The following ONECUT1 variants were observed in gnomAD, a reference collection of about 807,000 sequenced individuals.
ONECUT1 encodes hepatocyte nuclear factor 6.
Under a neutral mutation model 25.6 loss-of-function variants are expected in ONECUT1, and 12 were observed. That is an observed-to-expected ratio of 0.47 (90% CI 0.30 to 0.76). ONECUT1 has a LOEUF of 0.76. Among genes scored for constraint, ONECUT1 ranks in the 30% least tolerant of loss-of-function variants. The pLI, the probability that ONECUT1 is intolerant of heterozygous loss-of-function variation, is 0.07. For missense variants in ONECUT1, 620 were observed against 651.2 expected (o/e 0.95, Z 0.52); for synonymous variants, 285 against 270.2 (o/e 1.05, Z -0.54).
chr15:52,766,733 T>C (rs1166251723), intron 1 of ONECUT1, among the ~76,000 whole-genome samples: 2 of 152,020 alleles, frequency 1.3e-5, no homozygotes, highest in Non-Finnish European at 2.9e-5. Context: ...GCTCACCCAA[T>C]GGAAAAGGAA....
At chr15:52,772,681 G>T (rs1270741796) in intron 1 of ONECUT1, among the ~76,000 whole-genome samples, 5 of 152,148 alleles carry the variant, frequency 3.3e-5, no homozygotes, top group Admixed American at 3.3e-4. Flanking sequence ...GGAAGAACAA[G>T]GTTTTTGTGC....
In ONECUT1 at chr15:52,790,139, T is replaced by C. The variant is rs922486627; in HGVS notation, c.-255A>G. ...CCCCTCTGCGTCCTCGGCTTTTTTT[T>C]TTTTAATATTAATTTCCAAAGAGGA... On this transcript the variant is annotated 5_prime_UTR_variant, in exon 1 of 2. Transcript: ENST00000305901. 9.4e-5 allele frequency: 43 copies of C among 456,724 alleles called. No individual in the cohort carries two copies. Among genetic ancestry groups the C allele is most frequent in the Non-Finnish European group, 1.4e-4 (39 of 283,922 alleles). 28.3% of individuals were successfully genotyped at this position (456,724 alleles called of 1,614,324 possible). A position where few individuals can be genotyped will look rare whatever the true frequency, so the allele number is the denominator to read the frequency against.
chr15:52,772,717 C>T (rs2083776072), intron 1 of ONECUT1, among the ~76,000 whole-genome samples: 1 of 152,134 alleles, frequency 6.6e-6, no homozygotes, highest in Admixed American at 6.5e-5. Flanking sequence ...ACCGGGCTGG[C>T]TCCAAGAGAT....
At position 52,789,486 on chromosome 15, in the gene ONECUT1, G is replaced by T. The variant is rs749457710; in HGVS notation, c.399C>A (p.His133Gln). Residue 133 changes from histidine to glutamine, a missense_variant, in exon 1 of 2, where the codon CAC (histidine) becomes CAA (glutamine). His to Gln is a conservative substitution (Grantham distance 24). Transcript: ENST00000305901. This position sits in a 1 kb window ranked among gnomAD's most constrained non-coding sequence, Gnocchi z 4.1. ...CCAGGCGCTGGTGGTGGTGCGGGTG[G>T]TGGTGGTGATGGTGGTGGTGGTGAT... ...PHHHHHHHHH[H>Q]HPHHHQRLAG... The T allele has an allele frequency of 1.2e-6, 2 of 1,613,000 alleles. No homozygotes were observed. Among genetic ancestry groups the T allele is most frequent in the East Asian group, 2.2e-5 (1 of 44,888 alleles).
rs1196935240 is a variant in ONECUT1, at chr15:52,789,959, C to G, written c.-75G>C. The stretch of plus-strand genomic sequence containing the variant: ...GAGGCGGCGAGGGGCGCACGGAGTC[C>G]GGTCTTCACATCGGCTGCTGGCGAC... On this transcript the variant is annotated 5_prime_UTR_variant, in exon 1 of 2. Coordinates refer to ENST00000305901, the MANE Select transcript of ONECUT1 (RefSeq NM_004498.4). The surrounding 1 kb of genome is among the most constrained non-coding windows in gnomAD (Gnocchi z 4.1). The G allele has an allele frequency of 1.5e-5, 22 of 1,454,640 alleles. No individual in the cohort carries two copies. The East Asian group carries it at 5.2e-4, about 34-fold the overall frequency. The allele number at this position is 1,454,640 out of a possible 1,614,324, so 90.1% of individuals were successfully genotyped here. A position where few individuals can be genotyped will look rare whatever the true frequency, so the allele number is the denominator to read the frequency against.
At chr15:52,782,119 G>T (rs957588792) in intron 1 of ONECUT1, among the ~76,000 whole-genome samples, 1 of 152,198 alleles carries the variant, frequency 6.6e-6, no homozygotes, top group Non-Finnish European at 1.5e-5. Flanking sequence ...ATGTGCCGTG[G>T]TGGTTTGCTG....
chr15:52,760,287 A>G (rs1178194358), intron 1 of ONECUT1, among the ~76,000 whole-genome samples: 1 of 152,178 alleles, frequency 6.6e-6, no homozygotes, highest in African/African-American at 2.4e-5. Context: ...CCAGAGGCCT[A>G]CAGCCCTCAC....
Position 52,756,334 on chromosome 15 carries a change from G to A in ONECUT1, c.*1221C>T, listed in dbSNP as rs1163812920. Among the ~76,000 whole-genome samples the A allele has an allele frequency of 6.6e-6, 1 of 152,132 alleles. No individual in the cohort carries two copies. Among genetic ancestry groups the A allele is most frequent in the Non-Finnish European group, 1.5e-5 (1 of 68,018 alleles). On this transcript the variant is annotated 3_prime_UTR_variant, in exon 2 of 2. Coordinates refer to ENST00000305901, the MANE Select transcript of ONECUT1 (RefSeq NM_004498.4). ...TTGTATTTGTAAAGTATTTAAAAGA[G>A]GTTTTTGGTGCCAGATGCATAAAGC...
chr15:52,756,423 C>T lies in ONECUT1; in HGVS notation c.*1132G>A, dbSNP rs749927125. On this transcript the variant is annotated 3_prime_UTR_variant, in exon 2 of 2. Transcript: ENST00000305901. The stretch of plus-strand genomic sequence containing the variant: ...AGTGACCTTTTACTAAAAAGCATTA[C>T]TTTGAACAAATTTTCTAATTTAGTT... Among the ~76,000 whole-genome samples the T allele has an allele frequency of 1.3e-5, 2 of 152,132 alleles. No individual in the cohort carries two copies. The highest frequency in any genetic ancestry group is 2.4e-5 in the African/African-American group (1 of 41,414).
intron 1 of ONECUT1, among the ~76,000 whole-genome samples, chr15:52,772,198 T>A (rs1555415690): frequency 6.6e-6 from 1 of 151,854 alleles, no homozygotes; most frequent in Non-Finnish European, 1.5e-5. Context: ...ATCGAGACCA[T>A]CCTGGCTAAC....
chr15:52,785,611 C>A (rs1000830339), intron 1 of ONECUT1: 1 of 152,224 alleles, frequency 6.6e-6, no homozygotes, highest in African/African-American at 2.4e-5. Flanking sequence ...GTGGCCGAAG[C>A]CCTCTGGAAT....
In ONECUT1 at chr15:52,789,938, C is replaced by T; in HGVS notation, c.-54G>A. 6.8e-7 allele frequency: 1 copy of T among 1,468,654 alleles called. No homozygotes were observed. The highest frequency in any genetic ancestry group is 8.9e-7 in the Non-Finnish European group (1 of 1,118,768). 91.0% of individuals were successfully genotyped at this position (1,468,654 alleles called of 1,614,324 possible). ...CAACATCGATGTGGCCAGGCAGAGG[C>T]GGCGAGGGGCGCACGGAGTCCGGTC... On this transcript the variant is annotated 5_prime_UTR_variant, in exon 1 of 2. Transcript: ENST00000305901. The surrounding 1 kb of genome is among the most constrained non-coding windows in gnomAD (Gnocchi z 4.1).
At chr15:52,766,873 A>T (rs558615889) in intron 1 of ONECUT1, among the ~76,000 whole-genome samples, 1 of 152,278 alleles carries the variant, frequency 6.6e-6, no homozygotes, top group African/African-American at 2.4e-5. Context: ...TGCTGCCTGG[A>T]GTCCTTCCTG....
Position 52,787,324 on chromosome 15 carries a change from A to C in ONECUT1, c.1105+1456T>G, listed in dbSNP as rs1223646329. Among the ~76,000 whole-genome samples the C allele has an allele frequency of 2.6e-5, 4 of 152,220 alleles. No homozygotes were observed. In the East Asian group the frequency reaches 7.8e-4, roughly 30 times the overall value. ...CGGTGCTTTGGGACCGGTGGCCTGC[A>C]GCGCCCAAACCCAAAGAACGCTTTG... On this transcript the variant is annotated intron_variant, in intron 1 of 1. Coordinates refer to ENST00000305901, the MANE Select transcript of ONECUT1 (RefSeq NM_004498.4).
At chr15:52,757,883 T>C in intron 1 of ONECUT1, 36 bp from the exon 2 acceptor site, 1 of 1,584,074 alleles carries the variant, frequency 6.3e-7, no homozygotes, top group East Asian at 2.2e-5. Flanking sequence ...GAACAAATGG[T>C]CTAGGGGAGA....
chr15:52,764,055 A>G (rs2083720678), intron 1 of ONECUT1, among the ~76,000 whole-genome samples: 1 of 152,218 alleles, frequency 6.6e-6, no homozygotes, highest in South Asian at 2.1e-4. Flanking sequence ...TTGTCACTCA[A>G]GCATTTGTAT....
At chr15:52,764,733 C>A (rs1331373861) in intron 1 of ONECUT1, among the ~76,000 whole-genome samples, 1 of 152,218 alleles carries the variant, frequency 6.6e-6, no homozygotes, top group Non-Finnish European at 1.5e-5. Context: ...GACAGCTTGG[C>A]ATTGTCATAA....
intron 1 of ONECUT1, among the ~76,000 whole-genome samples, chr15:52,758,353 C>T (rs1343358701): frequency 1.3e-5 from 2 of 152,154 alleles, no homozygotes; most frequent in Non-Finnish European, 2.9e-5. Context: ...TATTAAGAGC[C>T]TAATCAGAGT....
rs1446356579 is a variant in ONECUT1, at chr15:52,788,242, A to G, written c.1105+538T>C. The G allele has an allele frequency of 6.4e-6, 1 of 156,640 alleles. No homozygotes were observed. Among genetic ancestry groups the G allele is most frequent in the African/African-American group, 2.4e-5 (1 of 41,492 alleles). The allele number at this position is 156,640 out of a possible 1,614,324, so 9.7% of individuals were successfully genotyped here. A position where few individuals can be genotyped will look rare whatever the true frequency, so the allele number is the denominator to read the frequency against. ...TGAAACTTTTTGCCCATACTCTTAG[A>G]TTGAGGTCACCCCAGCCAGCGCCAA... On this transcript the variant is annotated intron_variant, in intron 1 of 1. Coordinates refer to ENST00000305901, the MANE Select transcript of ONECUT1 (RefSeq NM_004498.4). This position sits in a 1 kb window ranked among gnomAD's most constrained non-coding sequence, Gnocchi z 4.3.
Sources: gnomAD v4.1 joint callset for allele counts (sites outside exome capture counted in the v4.1 genomes callset) on GRCh38, gnomAD v4.1.1 for gene constraint, Gnocchi (gnomAD v3.1) non-coding constraint, MANE v1.5 for transcripts, NCBI Gene and HGNC (gene_info 2026-07-23, HGNC 2026-07-21) for gene names.